Variants in AGO3 observed in about 807,000 individuals in gnomAD.
AGO3 encodes protein argonaute-3.
In AGO3, 16 loss-of-function variants were observed where a neutral mutation model predicts 105.5. The ratio of observed to expected loss-of-function variants is 0.15; its 90% CI spans 0.10 to 0.23. The LOEUF (loss-of-function observed/expected upper bound fraction) is 0.23. AGO3 is among the 10% of genes least tolerant of loss of function. The probability of loss-of-function intolerance (pLI) is 1.00; values close to 1 mark genes in which losing one functional copy is unlikely to be tolerated. For missense variants in AGO3, 534 were observed against 1,088.0 expected, an observed-to-expected ratio of 0.49 and a Z score of 7.16; for synonymous variants, 340 against 367.3, an observed-to-expected ratio of 0.93 and a Z score of 0.85.
chr1:35,978,537 T>C (rs1057243183), intron 5 of AGO3, among the ~76,000 whole-genome samples: 5 of 152,020 alleles, frequency 3.3e-5, no homozygotes, highest in Non-Finnish European at 5.9e-5. Flanking sequence ...ACTAGAAAAC[T>C]CTCAAGAATT....
intron 5 of AGO3, among the ~76,000 whole-genome samples, chr1:35,986,711 A>T (rs80261981): frequency 6.6e-6 from 1 of 150,870 alleles, no homozygotes; most frequent in East Asian, 2.0e-4. Flanking sequence ...GAAAAAAAAA[A>T]TGGGCTGGGC....
At chr1:36,030,745 C>G (rs1420357858) in intron 12 of AGO3, among the ~76,000 whole-genome samples, 1 of 152,138 alleles carries the variant, frequency 6.6e-6, no homozygotes, top group Admixed American at 6.5e-5. Context: ...CCTCCCAATG[C>G]TGGGATTACA....
At position 36,058,720 on chromosome 1, in the gene AGO3, C is replaced by A. The variant is rs553727656; in HGVS notation, c.*2975C>A. The A allele has an allele frequency of 6.6e-6, 1 of 152,202 alleles. No individual in the cohort carries two copies. The highest frequency in any genetic ancestry group is 1.9e-4 in the East Asian group (1 of 5,174). 9.4% of individuals were successfully genotyped at this position (152,202 alleles called of 1,614,324 possible). ...TTATTATTTTGAAGTGTCTGAAATGCAATTTACAACACTGTTGCAAAGAAC... is the reference window on the plus strand; with the variant it reads ...TTATTATTTTGAAGTGTCTGAAATGAAATTTACAACACTGTTGCAAAGAAC... On this transcript the variant is annotated 3_prime_UTR_variant, in exon 19 of 19. Transcript: ENST00000373191.
chr1:35,995,016 C>T (rs1213766830), intron 5 of AGO3, among the ~76,000 whole-genome samples: 2 of 151,118 alleles, frequency 1.3e-5, no homozygotes, highest in Non-Finnish European at 1.5e-5. Context: ...CTGGGCAACA[C>T]GGTGAAACCC....
At chr1:35,935,552 C>A (rs1646133205) in intron 1 of AGO3, among the ~76,000 whole-genome samples, 1 of 152,206 alleles carries the variant, frequency 6.6e-6, no homozygotes, top group African/African-American at 2.4e-5. Context: ...TAGTTTATAT[C>A]TTCCAATGGG....
At chr1:35,938,765 A>G (rs1180142087) in intron 1 of AGO3, among the ~76,000 whole-genome samples, 3 of 152,234 alleles carry the variant, frequency 2.0e-5, no homozygotes, top group African/African-American at 7.2e-5. Context: ...ATGAATATTA[A>G]AGAAAATGTT....
rs374433333 is a variant in AGO3 at position 36,056,795 on chromosome 1, G to A, written c.*1050G>A. On this transcript the variant is annotated 3_prime_UTR_variant, in exon 19 of 19. Coordinates refer to ENST00000373191, the MANE Select transcript of AGO3 (RefSeq NM_024852.4). Reference sequence around the variant, plus strand: ...CCTCGCTCTGTCACCAGGCTGGAGTGCAGTGGCGAGATCTCGGCTCACTGC... The same window carrying A: ...CCTCGCTCTGTCACCAGGCTGGAGTACAGTGGCGAGATCTCGGCTCACTGC... 2.0e-5 allele frequency: 3 copies of A among 150,810 alleles called. No individual in the cohort carries two copies. Among genetic ancestry groups the A allele is most frequent in the African/African-American group, 4.9e-5 (2 of 40,952 alleles). 9.3% of individuals were successfully genotyped at this position (150,810 alleles called of 1,614,324 possible). A position where few individuals can be genotyped will look rare whatever the true frequency, so the allele number is the denominator to read the frequency against.
rs151308554 is a variant in AGO3, at chr1:36,038,812, A to G, written c.1843-978A>G. ...AGATTAACTTCTCTGAGGACCAGAT[A>G]CAGAACACAAATGCAGCTCAATAAG... On this transcript the variant is annotated intron_variant, in intron 14 of 18. Coordinates refer to ENST00000373191, the MANE Select transcript of AGO3 (RefSeq NM_024852.4). Among the ~76,000 whole-genome samples, 696 of 152,328 alleles carry G rather than the reference A, an allele frequency of 4.6e-3. 4 individuals are homozygous for G. The highest frequency in any genetic ancestry group is 0.016 in the African/African-American group (680 of 41,576).
At chr1:35,976,366 A>C (rs1646957464) in intron 5 of AGO3, among the ~76,000 whole-genome samples, 3 of 151,940 alleles carry the variant, frequency 2.0e-5, no homozygotes, top group Admixed American at 2.0e-4. Context: ...TGTGTTATTG[A>C]ATTCCATTAT....
intron 2 of AGO3, among the ~76,000 whole-genome samples, chr1:35,949,694 A>G (rs192608885): frequency 6.6e-6 from 1 of 152,332 alleles, no homozygotes; most frequent in East Asian, 1.9e-4. Context: ...CAATCATAGC[A>G]CACTGTGTTC....
intron 11 of AGO3, among the ~76,000 whole-genome samples, chr1:36,026,079 G>A (rs1196936286): frequency 1.3e-5 from 2 of 151,698 alleles, no homozygotes; most frequent in Non-Finnish European, 2.9e-5. Flanking sequence ...GTTTTTCAGT[G>A]TAAATCAAAG....
At chr1:35,946,630 G>A (rs961167256) in intron 2 of AGO3, among the ~76,000 whole-genome samples, 2 of 152,156 alleles carry the variant, frequency 1.3e-5, no homozygotes, top group African/African-American at 4.8e-5. Flanking sequence ...AAAGAATGTT[G>A]TTTCTCTCAA....
chr1:35,993,931 A>T lies in AGO3; in HGVS notation c.659-10410A>T, dbSNP rs186450707. Among the ~76,000 whole-genome samples the T allele has an allele frequency of 7.6e-4, 112 of 147,928 alleles. 1 individual carries two copies. Among genetic ancestry groups the T allele is most frequent in the African/African-American group, 2.3e-3 (91 of 39,980 alleles). On this transcript the variant is annotated intron_variant, in intron 5 of 18. Coordinates refer to ENST00000373191, the MANE Select transcript of AGO3 (RefSeq NM_024852.4). ...CCCGGCTAATTTTTGTTTTTAGTAGAGACAGGGTTTCACCATGTTGGCCAG... is the reference window on the plus strand; with the variant it reads ...CCCGGCTAATTTTTGTTTTTAGTAGTGACAGGGTTTCACCATGTTGGCCAG...
chr1:35,956,383 A>G (rs1646565261), intron 2 of AGO3, among the ~76,000 whole-genome samples: 1 of 152,218 alleles, frequency 6.6e-6, no homozygotes, highest in Non-Finnish European at 1.5e-5. Context: ...GAAGTTCAAT[A>G]GGTTATTGGA....
At chr1:35,934,132 G>A (rs1646105897) in intron 1 of AGO3, among the ~76,000 whole-genome samples, 2 of 152,110 alleles carry the variant, frequency 1.3e-5, no homozygotes, top group South Asian at 4.1e-4. Context: ...AAGAGTATAG[G>A]TTATGTTTCA....
intron 5 of AGO3, among the ~76,000 whole-genome samples, chr1:35,993,441 C>A (rs1328126974): frequency 1.3e-5 from 2 of 152,044 alleles, no homozygotes; most frequent in Non-Finnish European, 2.9e-5. Context: ...GAGGGTATCA[C>A]TAAAAATTCT....
At chr1:36,038,001 A>G (rs184951792) in intron 14 of AGO3, among the ~76,000 whole-genome samples, 2 of 152,276 alleles carry the variant, frequency 1.3e-5, no homozygotes, top group African/African-American at 4.8e-5. Context: ...TTATTGGTTG[A>G]TTCTTTTTCA....
intron 11 of AGO3, among the ~76,000 whole-genome samples, chr1:36,016,223 C>A (rs1180038301): frequency 6.6e-6 from 1 of 152,132 alleles, no homozygotes; most frequent in Non-Finnish European, 1.5e-5. Flanking sequence ...GCTCTGTCAC[C>A]CAGGCTGGAG....
Position 36,027,762 on chromosome 1 carries a change from G to A in AGO3, c.1591+464G>A, listed in dbSNP as rs1271282186. On this transcript the variant is annotated intron_variant, in intron 12 of 18. Coordinates refer to ENST00000373191, the MANE Select transcript of AGO3 (RefSeq NM_024852.4). This position sits in a 1 kb window ranked among gnomAD's most constrained non-coding sequence, Gnocchi z 4.0. Reference sequence around the variant, plus strand: ...CCGGTGCACTCCAGCCTGGGCGACAGAGCGAAAGTCCGTCTCAAAAAAAAA... The same window carrying A: ...CCGGTGCACTCCAGCCTGGGCGACAAAGCGAAAGTCCGTCTCAAAAAAAAA... 6.7e-6 allele frequency among the ~76,000 whole-genome samples: 1 copy of A among 148,170 alleles called. No homozygotes were observed. The highest frequency in any genetic ancestry group is 1.5e-5 in the Non-Finnish European group (1 of 67,554).
Sources: allele counts gnomAD v4.1 joint callset (sites outside exome capture counted in the v4.1 genomes callset), GRCh38; gene constraint gnomAD v4.1.1; non-coding constraint Gnocchi (gnomAD v3.1); transcripts MANE v1.5; gene names NCBI Gene and HGNC (gene_info 2026-07-23, HGNC 2026-07-21).